COL5A2: variants seen among roughly 807,000 people sequenced by gnomAD.
COL5A2 encodes collagen alpha-2(V) chain.
In COL5A2, 23 loss-of-function variants were observed where a neutral mutation model predicts 208.2. That is an observed-to-expected ratio of 0.11 (90% CI 0.08 to 0.16). The LOEUF is 0.16. COL5A2 is among the 10% of genes least tolerant of loss of function. The pLI is 1.00. For missense variants in COL5A2, 1,590 were observed against 1,956.4 expected (o/e 0.81, Z 3.53); for synonymous variants, 625 against 628.5 (o/e 0.99, Z 0.08).
At chr2:189,309,049 T>C in the COL5A2 span, among the ~76,000 whole-genome samples, 1 of 152,170 alleles carries the variant, frequency 6.6e-6, no homozygotes, top group Non-Finnish European at 1.5e-5. Flanking sequence ...CTGCTTCAAG[T>C]AGTGACTTAG....
chr2:189,169,223 ACT>A (rs1688526297), intron 1 of COL5A2, among the ~76,000 whole-genome samples: 1 of 152,214 alleles, frequency 6.6e-6, no homozygotes, highest in Admixed American at 6.5e-5. Context: ...CACAAACTAA[ACT>A]CTGAAGCAGA....
chr2:189,288,554 G>A, the COL5A2 span, among the ~76,000 whole-genome samples: 39 of 152,218 alleles, frequency 2.6e-4, no homozygotes, highest in Non-Finnish European at 4.1e-4. Flanking sequence ...TGAATAATGA[G>A]TAAAGAGATT....
the COL5A2 span, among the ~76,000 whole-genome samples, chr2:189,293,961 G>A: frequency 2.0e-5 from 3 of 152,042 alleles, no homozygotes; most frequent in African/African-American, 4.8e-5. Context: ...GGTGGCGGGC[G>A]CCTGTAGTCC....
At chr2:189,276,182 G>A in the COL5A2 span, among the ~76,000 whole-genome samples, 1 of 152,158 alleles carries the variant, frequency 6.6e-6, no homozygotes, top group Non-Finnish European at 1.5e-5. Flanking sequence ...GGAAATTGCA[G>A]TAATCTGTCT....
At chr2:189,191,163 C>CAAAAAAAAAAAAAAAAAAAAAAAAAA (rs1553526772) in intron 1 of COL5A2, among the ~76,000 whole-genome samples, 2 of 72,272 alleles carry the variant, frequency 2.8e-5, no homozygotes, top group Non-Finnish European at 6.2e-5. Context: ...AAAAAACAAA[C>CAAAAAAAAAAAAAAAAAAAAAAAAAA]AAACAACAAA....
the COL5A2 span, among the ~76,000 whole-genome samples, chr2:189,280,168 G>A: frequency 6.6e-6 from 1 of 152,058 alleles, no homozygotes; most frequent in African/African-American, 2.4e-5. Flanking sequence ...AAGTCACTCA[G>A]TTTATCTTAT....
At chr2:189,397,308 C>A in the COL5A2 span, among the ~76,000 whole-genome samples, 1 of 152,086 alleles carries the variant, frequency 6.6e-6, no homozygotes, top group Non-Finnish European at 1.5e-5. Flanking sequence ...GTGCTGGATG[C>A]TGGGAATACA....
At chr2:189,042,679 T>A (rs1396290868) in intron 49 of COL5A2, 41 bp downstream of exon 49, 1 of 1,574,704 alleles carries the variant, frequency 6.4e-7, no homozygotes, top group Non-Finnish European at 8.7e-7. Context: ...AACAAAGGCA[T>A]TATTATTTAC....
intron 17 of COL5A2, among the ~76,000 whole-genome samples, chr2:189,073,451 C>A (rs992918356): frequency 6.6e-6 from 1 of 152,084 alleles, no homozygotes; most frequent in Non-Finnish European, 1.5e-5. Context: ...ACATTGATGA[C>A]CCTGTGAAAT....
intron 1 of COL5A2, among the ~76,000 whole-genome samples, chr2:189,214,134 C>A (rs1039576512): frequency 6.6e-6 from 1 of 151,956 alleles, no homozygotes; most frequent in African/African-American, 2.4e-5. Flanking sequence ...TTAAACATAT[C>A]AAAAAACCTT....
At chr2:189,056,688 T>C in intron 35 of COL5A2, 1 of 478,978 alleles carries the variant, frequency 2.1e-6, no homozygotes, top group Non-Finnish European at 3.8e-6. Context: ...AAACCTTGTG[T>C]ATGAAATAAA....
At chr2:189,047,150 T>C (rs1685687667) in intron 45 of COL5A2, among the ~76,000 whole-genome samples, 1 of 151,952 alleles carries the variant, frequency 6.6e-6, no homozygotes, top group African/African-American at 2.4e-5. Flanking sequence ...CTTAAAGCAC[T>C]TGTACATTTA....
chr2:189,238,244 G>A, the COL5A2 span, among the ~76,000 whole-genome samples: 1 of 151,976 alleles, frequency 6.6e-6, no homozygotes, highest in East Asian at 1.9e-4. Context: ...ATGCAAATGA[G>A]GCAGACAGCA....
Position 189,085,666 on chromosome 2 carries a change from T to C in COL5A2, c.744+53A>G, listed in dbSNP as rs377121721. The C allele has an allele frequency of 7.0e-4, 1,017 of 1,459,262 alleles. 4 individuals are homozygous for C. The highest frequency in any genetic ancestry group is 1.9e-3 in the South Asian group (168 of 87,728). The allele number at this position is 1,459,262 out of a possible 1,614,324, so 90.4% of individuals were successfully genotyped here. A position where few individuals can be genotyped will look rare whatever the true frequency, so the allele number is the denominator to read the frequency against. ...ATAAATAACTCAATATTTGACATCA[T>C]TATAATGGTGGACCCAAATGTAACT... On this transcript the variant is annotated intron_variant, in intron 10 of 53. Coordinates refer to ENST00000374866, the MANE Select transcript of COL5A2 (RefSeq NM_000393.5).
At chr2:189,142,156 T>C (rs1013108355) in intron 1 of COL5A2, among the ~76,000 whole-genome samples, 3 of 152,096 alleles carry the variant, frequency 2.0e-5, no homozygotes, top group African/African-American at 7.2e-5. Context: ...CATGTTATGA[T>C]TGACAATAAT....
the COL5A2 span, among the ~76,000 whole-genome samples, chr2:189,395,668 C>A: frequency 3.9e-5 from 6 of 151,944 alleles, no homozygotes; most frequent in Admixed American, 2.0e-4. Context: ...TTTTGGGAAG[C>A]TGAGGCGGGT....
chr2:189,141,068 A>G (rs1278854964), intron 1 of COL5A2, among the ~76,000 whole-genome samples: 6 of 152,172 alleles, frequency 3.9e-5, no homozygotes, highest in African/African-American at 1.4e-4. Context: ...TATTCCTTTT[A>G]ATAGAGATGT....
the COL5A2 span, among the ~76,000 whole-genome samples, chr2:189,394,443 T>C: frequency 6.6e-6 from 1 of 152,162 alleles, no homozygotes; most frequent in Non-Finnish European, 1.5e-5. Flanking sequence ...AGAGTTACCT[T>C]ATAAAGGGAT....
chr2:189,049,525 T>G, intron 43 of COL5A2, 71 bp from the exon 44 acceptor site: 2 of 1,233,962 alleles, frequency 1.6e-6, no homozygotes, highest in East Asian at 4.9e-5. Context: ...AAAGGCTAAG[T>G]TTTCAAAATG....
Sources: allele counts gnomAD v4.1 joint callset (sites outside exome capture counted in the v4.1 genomes callset), GRCh38; gene constraint gnomAD v4.1.1; transcripts MANE v1.5; gene names NCBI Gene and HGNC (gene_info 2026-07-23, HGNC 2026-07-21).